ARHGAP10: variants seen among roughly 807,000 people sequenced by gnomAD.
ARHGAP10 encodes Rho GTPase activating protein 10, also known as rho GTPase-activating protein 10.
ARHGAP10 carries 87 observed loss-of-function variants against 108.6 expected under a neutral mutation model. The ratio of observed to expected loss-of-function variants is 0.80; its 90% CI spans 0.67 to 0.96. The LOEUF (loss-of-function observed/expected upper bound fraction) is 0.96. ARHGAP10 is among the 40% of genes least tolerant of loss of function. The pLI is 0.00. For missense variants in ARHGAP10, 939 were observed against 954.5 expected, an observed-to-expected ratio of 0.98 and a Z score of 0.21; for synonymous variants, 347 against 341.1, an observed-to-expected ratio of 1.02 and a Z score of -0.19.
rs550017489 is a variant in ARHGAP10, at chr4:147,938,107, A to C, written c.1229-1718A>C. On this transcript the variant is annotated intron_variant, in intron 13 of 22. Transcript: ENST00000336498. ...GCCATTATCCTTAGCAAAGTAATGC[A>C]GGAATAGAAAACCAAACACTGCATG... is the stretch of plus-strand genomic sequence containing the variant. Among the ~76,000 whole-genome samples, 472 of 152,340 alleles carry C rather than the reference A, an allele frequency of 3.1e-3. 1 individual carries two copies. The highest frequency in any genetic ancestry group is 0.014 in the Middle Eastern group (4 of 294).
intron 7 of ARHGAP10, among the ~76,000 whole-genome samples, chr4:147,870,855 G>C (rs1734787206): frequency 6.6e-6 from 1 of 151,922 alleles, no homozygotes; most frequent in Non-Finnish European, 1.5e-5. Context: ...GAATGGGTAG[G>C]AAGTATTTAA....
intron 3 of ARHGAP10, among the ~76,000 whole-genome samples, chr4:147,824,238 C>G (rs1028841702): frequency 1.3e-5 from 2 of 151,892 alleles, no homozygotes; most frequent in Non-Finnish European, 2.9e-5. Context: ...AAGAGAATTG[C>G]TTGAATCTGG....
chr4:148,059,905 C>T (rs1416693138), intron 20 of ARHGAP10, among the ~76,000 whole-genome samples: 1 of 152,030 alleles, frequency 6.6e-6, no homozygotes, highest in Non-Finnish European at 1.5e-5. Context: ...GTCACACCTA[C>T]ATGCCTCAAG....
At chr4:148,002,063 A>C (rs551798500) in intron 18 of ARHGAP10, among the ~76,000 whole-genome samples, 1 of 152,198 alleles carries the variant, frequency 6.6e-6, no homozygotes, top group Non-Finnish European at 1.5e-5. Flanking sequence ...TCAGAAATAG[A>C]TCTTATTATT....
intron 18 of ARHGAP10, among the ~76,000 whole-genome samples, chr4:148,003,762 G>T (rs1740829934): frequency 6.6e-6 from 1 of 152,084 alleles, no homozygotes; most frequent in South Asian, 2.1e-4. Flanking sequence ...CCATTTGTTT[G>T]GTAGATCTTC....
At chr4:147,805,069 A>G (rs1406392796) in intron 1 of ARHGAP10, among the ~76,000 whole-genome samples, 2 of 152,038 alleles carry the variant, frequency 1.3e-5, no homozygotes, top group Admixed American at 6.6e-5. Flanking sequence ...CCAGAATGGT[A>G]TTTCCTAGGT....
At chr4:147,738,584 C>T (rs1268654208) in intron 1 of ARHGAP10, among the ~76,000 whole-genome samples, 1 of 151,852 alleles carries the variant, frequency 6.6e-6, no homozygotes, top group African/African-American at 2.4e-5. Flanking sequence ...ATACGACCTA[C>T]TATATTGGAT....
chr4:147,793,538 A>G (rs549728643), intron 1 of ARHGAP10, among the ~76,000 whole-genome samples: 13 of 152,116 alleles, frequency 8.5e-5, no homozygotes, highest in Non-Finnish European at 1.5e-4. Context: ...CCGCATAGCT[A>G]TTTAGCCAAA....
intron 1 of ARHGAP10, among the ~76,000 whole-genome samples, chr4:147,737,840 G>C (rs1472945837): frequency 6.6e-6 from 1 of 152,184 alleles, no homozygotes; most frequent in Non-Finnish European, 1.5e-5. Context: ...TCCATTTAGA[G>C]TTGTTCCTAT....
chr4:147,752,748 A>G (rs1019049001), intron 1 of ARHGAP10, among the ~76,000 whole-genome samples: 2 of 152,086 alleles, frequency 1.3e-5, no homozygotes, highest in Non-Finnish European at 2.9e-5. Flanking sequence ...GCTGGTCTCA[A>G]ATTCCTGACC....
rs538672455 is a variant in ARHGAP10, at chr4:147,797,281, C to T, written c.155-25446C>T. Among the ~76,000 whole-genome samples the T allele has an allele frequency of 2.6e-5, 4 of 152,158 alleles. No homozygotes were observed. In the South Asian group the frequency reaches 8.3e-4, roughly 32 times the overall value. ...CCTTATTACCCTCCAGATGAAGATCCAACCTCTTAGCCAGGTCTTTACACT... is the reference window on the plus strand; with the variant it reads ...CCTTATTACCCTCCAGATGAAGATCTAACCTCTTAGCCAGGTCTTTACACT... On this transcript the variant is annotated intron_variant, in intron 1 of 22. Transcript: ENST00000336498.
At chr4:147,744,555 G>T (rs143665456) in intron 1 of ARHGAP10, among the ~76,000 whole-genome samples, 2 of 152,118 alleles carry the variant, frequency 1.3e-5, no homozygotes, top group Non-Finnish European at 2.9e-5. Context: ...AGGACTGGAG[G>T]TTGGGGGGTC....
chr4:147,904,271 G>A (rs1736365256), intron 10 of ARHGAP10, among the ~76,000 whole-genome samples: 1 of 151,854 alleles, frequency 6.6e-6, no homozygotes, highest in Non-Finnish European at 1.5e-5. Context: ...TAGGGTACAT[G>A]TGCACAATGT....
chr4:147,741,460 A>C (rs2126679399), intron 1 of ARHGAP10, among the ~76,000 whole-genome samples: 1 of 152,306 alleles, frequency 6.6e-6, no homozygotes, highest in Non-Finnish European at 1.5e-5. Context: ...TCTGATTAGA[A>C]AGAGAAAAAT....
chr4:147,925,564 A>G (rs1737431914), intron 13 of ARHGAP10, among the ~76,000 whole-genome samples: 1 of 152,198 alleles, frequency 6.6e-6, no homozygotes, highest in Admixed American at 6.5e-5. Flanking sequence ...CACACATGTT[A>G]GATGGATTTT....
At chr4:147,781,681 C>CTTTT (rs56781517) in intron 1 of ARHGAP10, among the ~76,000 whole-genome samples, 8 of 130,570 alleles carry the variant, frequency 6.1e-5, no homozygotes, top group South Asian at 2.4e-4. Flanking sequence ...CTTTTCTTTT[C>CTTTT]TTTTTTTTTT....
chr4:148,028,277 A>T (rs1434446802), intron 19 of ARHGAP10, among the ~76,000 whole-genome samples: 1 of 152,154 alleles, frequency 6.6e-6, no homozygotes. Context: ...AGAAGGGGAC[A>T]GTGTTGACAG....
At chr4:147,837,650 T>TTTTTTTTTTTGTTTTTTG (rs1733230186) in intron 3 of ARHGAP10, among the ~76,000 whole-genome samples, 2 of 112,006 alleles carry the variant, frequency 1.8e-5, no homozygotes, top group Non-Finnish European at 3.7e-5. Context: ...ACTGTTTTTT[T>TTTTTTTTTTTGTTTTTTG]TTTTTTTTTT....
intron 16 of ARHGAP10, among the ~76,000 whole-genome samples, chr4:147,960,881 G>C (rs997277913): frequency 2.0e-5 from 3 of 152,192 alleles, no homozygotes; most frequent in Non-Finnish European, 4.4e-5. Flanking sequence ...ATTCATCTCT[G>C]TTGTATGAAA....
Sources: gnomAD v4.1 joint callset for allele counts (sites outside exome capture counted in the v4.1 genomes callset) on GRCh38, gnomAD v4.1.1 for gene constraint, MANE v1.5 for transcripts, NCBI Gene and HGNC (gene_info 2026-07-23, HGNC 2026-07-21) for gene names.